Variants in TATDN1 observed in about 807,000 individuals in gnomAD.
The protein encoded by TATDN1 is deoxyribonuclease TATDN1.
Under a neutral mutation model 46.4 loss-of-function variants are expected in TATDN1, and 40 were observed. The observed-to-expected ratio is 0.86, with a 90% CI of 0.67 to 1.12. The LOEUF (loss-of-function observed/expected upper bound fraction) is 1.12. Ranked by LOEUF, TATDN1 falls within the 50% of genes most tolerant of loss-of-function variation. The pLI is 0.00. For synonymous variants in TATDN1, 95 were observed against 105.6 expected (o/e 0.90, Z 0.62); for missense variants, 326 against 348.4 (o/e 0.94, Z 0.51).
At chr8:124,497,017 C>T (rs1385383108) in intron 9 of TATDN1, among the ~76,000 whole-genome samples, 1 of 152,156 alleles carries the variant, frequency 6.6e-6, no homozygotes, top group Non-Finnish European at 1.5e-5. Context: ...CCCAAATCTT[C>T]TAGTATTCAA....
chr8:124,512,771 A>G (rs1217617437), intron 6 of TATDN1, among the ~76,000 whole-genome samples: 1 of 152,160 alleles, frequency 6.6e-6, no homozygotes, highest in East Asian at 1.9e-4. Context: ...TCTGTACAAC[A>G]TGGTAAGTGC....
intron 9 of TATDN1, among the ~76,000 whole-genome samples, chr8:124,498,695 G>C (rs1051904897): frequency 6.6e-6 from 1 of 151,994 alleles, no homozygotes; most frequent in Non-Finnish European, 1.5e-5. Context: ...CTATCACCTG[G>C]GCTGGAGTGC....
At chr8:124,517,605 C>T (rs1021614027) in intron 4 of TATDN1, among the ~76,000 whole-genome samples, 5 of 151,946 alleles carry the variant, frequency 3.3e-5, no homozygotes, top group South Asian at 2.1e-4. Flanking sequence ...GTGTCTAGCA[C>T]GTAAGATAAT....
intron 9 of TATDN1, chr8:124,503,963 T>A: frequency 7.6e-7 from 1 of 1,307,878 alleles, no homozygotes. Context: ...TGTGAACACA[T>A]GTTTTCAAGG....
intron 6 of TATDN1, among the ~76,000 whole-genome samples, chr8:124,515,420 A>AT (rs901644654): frequency 1.1e-4 from 17 of 152,158 alleles, no homozygotes; most frequent in African/African-American, 4.1e-4. Context: ...AAATAATTTA[A>AT]TTCATTCCAT....
At chr8:124,515,633 G>T (rs1463253117) in intron 6 of TATDN1, 113 bp downstream of exon 6, 15 of 1,084,048 alleles carry the variant, frequency 1.4e-5, no homozygotes, top group Non-Finnish European at 2.0e-5. Context: ...TATACAAAGG[G>T]AAAAACAAAA....
At chr8:124,517,962 A>G (rs983822028) in intron 4 of TATDN1, among the ~76,000 whole-genome samples, 1 of 152,210 alleles carries the variant, frequency 6.6e-6, no homozygotes, top group African/African-American at 2.4e-5. Context: ...CTGTAATCCC[A>G]GCGCTTTGGG....
At chr8:124,528,175 C>T (rs1239204016) in intron 1 of TATDN1, among the ~76,000 whole-genome samples, 1 of 151,894 alleles carries the variant, frequency 6.6e-6, no homozygotes, top group Admixed American at 6.6e-5. Flanking sequence ...CTTTCTCTAA[C>T]AGTGTCTTTT....
At chr8:124,496,775 C>T (rs927513654) in intron 9 of TATDN1, among the ~76,000 whole-genome samples, 2 of 152,136 alleles carry the variant, frequency 1.3e-5, no homozygotes, top group African/African-American at 4.8e-5. Flanking sequence ...TTTGTTATTA[C>T]AAAGAATTTA....
At chr8:124,537,373 C>G (rs1481432392) in intron 1 of TATDN1, among the ~76,000 whole-genome samples, 1 of 152,152 alleles carries the variant, frequency 6.6e-6, no homozygotes, top group Admixed American at 6.5e-5. Context: ...AACTGCCACT[C>G]TAAAACCTTG....
At chr8:124,511,864 C>G (rs1819050822) in intron 6 of TATDN1, among the ~76,000 whole-genome samples, 1 of 152,046 alleles carries the variant, frequency 6.6e-6, no homozygotes, top group African/African-American at 2.4e-5. Flanking sequence ...CTTTATGTGC[C>G]TTATGTTAAG....
At chr8:124,516,560 T>C (rs531202168) in intron 4 of TATDN1, among the ~76,000 whole-genome samples, 173 of 152,210 alleles carry the variant, frequency 1.1e-3, no homozygotes, top group Non-Finnish European at 2.2e-3. Context: ...TCCACCTGCC[T>C]GGCCTCCCAA....
At chr8:124,538,996 C>CCCAA (rs748447465) in intron 1 of TATDN1, 29 bp downstream of exon 1, 1 of 1,614,032 alleles carries the variant, frequency 6.2e-7, no homozygotes, top group Non-Finnish European at 8.5e-7. Context: ...GTCAGAAAGA[C>CCCAA]CCAAGGGCGT....
chr8:124,538,040 C>G (rs1346192316), intron 1 of TATDN1, among the ~76,000 whole-genome samples: 2 of 152,170 alleles, frequency 1.3e-5, no homozygotes, highest in African/African-American at 4.8e-5. Context: ...GCCCAGATAT[C>G]TCTACCTGGA....
rs561144037 is a variant in TATDN1, at chr8:124,513,439, T to C, written c.389+2307A>G. On this transcript the variant is annotated intron_variant, in intron 6 of 11. Coordinates refer to ENST00000276692, the MANE Select transcript of TATDN1 (RefSeq NM_032026.4). ...TTCCAACCTATTTTAATTATTTATG[T>C]CCTCTCTTGGAAAAAGTCTTATTCT... Among the ~76,000 whole-genome samples, 37 of 152,322 alleles carry C rather than the reference T, an allele frequency of 2.4e-4. 3 individuals are homozygous for C. The South Asian group carries it at 7.7e-3, about 32-fold the overall frequency.
At chr8:124,507,073 A>G (rs1268373546) in intron 8 of TATDN1, among the ~76,000 whole-genome samples, 1 of 151,944 alleles carries the variant, frequency 6.6e-6, no homozygotes, top group African/African-American at 2.4e-5. Context: ...GAGGCAGGAG[A>G]ATTGCTTGAA....
chr8:124,494,254 T>G lies in TATDN1; in HGVS notation c.665-295A>C, dbSNP rs116987222. 4.5e-3 allele frequency: 876 copies of G among 194,818 alleles called. 4 individuals are homozygous for G. The highest frequency in any genetic ancestry group is 6.5e-3 in the Non-Finnish European group (633 of 96,858). 12.1% of individuals were successfully genotyped at this position (194,818 alleles called of 1,614,324 possible). A position where few individuals can be genotyped will look rare whatever the true frequency, so the allele number is the denominator to read the frequency against. On this transcript the variant is annotated intron_variant, in intron 10 of 11. Transcript: ENST00000276692. ...CAATTGTATAACAACATGAAAACAT[T>G]TAAGTTAAACAGTTTTTTTTTCAGT...
In TATDN1 at chr8:124,514,823, G is replaced by A. The variant is rs187808106; in HGVS notation, c.389+923C>T. Among the ~76,000 whole-genome samples, 158 of 152,318 alleles carry A rather than the reference G, an allele frequency of 1.0e-3. 1 individual carries two copies. The highest frequency in any genetic ancestry group is 3.4e-3 in the Middle Eastern group (1 of 294). ...GGTCGTGAGCTTTGGAGTTTTCTCA[G>A]AAGCCACCATTCAACATGGCTCCTA... On this transcript the variant is annotated intron_variant, in intron 6 of 11. Coordinates refer to ENST00000276692, the MANE Select transcript of TATDN1 (RefSeq NM_032026.4).
chr8:124,520,806 G>A (rs1340202732), intron 3 of TATDN1, among the ~76,000 whole-genome samples: 1 of 151,888 alleles, frequency 6.6e-6, no homozygotes, highest in Non-Finnish European at 1.5e-5. Context: ...AGCCGGGTGT[G>A]GTGGCGGGCG....
Sources: gnomAD v4.1 joint callset for allele counts (sites outside exome capture counted in the v4.1 genomes callset) on GRCh38, gnomAD v4.1.1 for gene constraint, MANE v1.5 for transcripts, NCBI Gene and HGNC (gene_info 2026-07-23, HGNC 2026-07-21) for gene names.